The following SMARCAD1 variants were observed in gnomAD, a reference collection of about 807,000 sequenced individuals.
SMARCAD1 encodes SWI/SNF-related matrix-associated actin-dependent regulator of chromatin subfamily A containing DEAD/H box 1.
Under a neutral mutation model 127.1 loss-of-function variants are expected in SMARCAD1, and 25 were observed. The ratio of observed to expected loss-of-function variants is 0.20; its 90% CI spans 0.14 to 0.27. SMARCAD1 has a LOEUF of 0.27. SMARCAD1 is among the 10% of genes least tolerant of loss of function. The pLI, the probability that SMARCAD1 is intolerant of heterozygous loss-of-function variation, is 1.00. For synonymous variants in SMARCAD1, 400 were observed against 396.9 expected, an observed-to-expected ratio of 1.01 and a Z score of -0.09; for missense variants, 807 against 1,206.0, an observed-to-expected ratio of 0.67 and a Z score of 4.90.
chr4:94,285,045 C>T lies in SMARCAD1; in HGVS notation c.2995C>T (p.Gln999Ter). 1 of 1,610,150 alleles carries T rather than the reference C, an allele frequency of 6.2e-7. No homozygotes were observed. The highest frequency in any genetic ancestry group is 8.5e-7 in the Non-Finnish European group (1 of 1,176,792). The change falls in exon 23 of 24, where the codon CAG (glutamine) becomes TAG (stop). Residue 999 changes from glutamine to a stop codon, truncating the protein, a stop_gained. Coordinates refer to ENST00000354268, the MANE Select transcript of SMARCAD1 (RefSeq NM_020159.5). LOFTEE classifies it high-confidence loss of function. Reference sequence around the variant, plus strand: ...TAACCAACAGAAATTGAAACTAGAACAGGATATGACTACAGTAGATGAAGG... The same window carrying T: ...TAACCAACAGAAATTGAAACTAGAATAGGATATGACTACAGTAGATGAAGG... ...KINQQKLKLEQDMTTVDEGDE... is the reference protein window; with the variant it reads ...KINQQKLKLE
chr4:94,270,927 C>G, intron 11 of SMARCAD1, 109 bp downstream of exon 11: 1 of 834,970 alleles, frequency 1.2e-6, no homozygotes. Context: ...TAACTACTGC[C>G]ACCTCAGTAC....
chr4:94,210,452 A>T (rs1376101231), intron 2 of SMARCAD1, among the ~76,000 whole-genome samples: 1 of 152,204 alleles, frequency 6.6e-6, no homozygotes, highest in Non-Finnish European at 1.5e-5. Flanking sequence ...GGTGAAAGAA[A>T]GTTTTAAAAG....
intron 2 of SMARCAD1, among the ~76,000 whole-genome samples, chr4:94,221,622 CAAATAT>C (rs557291570): frequency 4.6e-5 from 7 of 152,180 alleles, no homozygotes; most frequent in South Asian, 2.1e-4. Context: ...GAGATTTTGA[CAAATAT>C]AAAACAGTGT....
At chr4:94,265,079 C>T (rs150445190) in intron 10 of SMARCAD1, among the ~76,000 whole-genome samples, 173 bp downstream of exon 10, 32 of 151,954 alleles carry the variant, frequency 2.1e-4, no homozygotes, top group African/African-American at 7.5e-4. Flanking sequence ...TTGATTTCCC[C>T]CACCCCCAAG....
In SMARCAD1 at chr4:94,290,087, T is replaced by A. The variant is rs1185093420; in HGVS notation, c.*553T>A. On this transcript the variant is annotated 3_prime_UTR_variant, in exon 24 of 24. Transcript: ENST00000354268. ...CAAGAACTCAACCTGAATTTAAAGG[T>A]GGCATTCCATATACTAACATCCCCC... is the stretch of plus-strand genomic sequence containing the variant. 1.1e-5 allele frequency: 5 copies of A among 454,368 alleles called. No individual in the cohort carries two copies. The East Asian group carries it at 3.5e-4, about 32-fold the overall frequency. 28.1% of individuals were successfully genotyped at this position (454,368 alleles called of 1,614,324 possible).
At position 94,212,466 on chromosome 4, in the gene SMARCAD1, C is replaced by T. The variant is rs149348769; in HGVS notation, c.190+3882C>T. Among the ~76,000 whole-genome samples the T allele has an allele frequency of 3.0e-3, 459 of 151,916 alleles. 4 individuals carry two copies. Among genetic ancestry groups the T allele is most frequent in the African/African-American group, 0.01 (430 of 41,450 alleles). ...CTAGGATTATAGGCATGAGCCACCA[C>T]GCCCAGCCCTATACATATTTATTTA... On this transcript the variant is annotated intron_variant, in intron 2 of 23. Transcript: ENST00000354268.
chr4:94,267,494 C>G (rs978134996), intron 10 of SMARCAD1, among the ~76,000 whole-genome samples: 3 of 152,096 alleles, frequency 2.0e-5, no homozygotes, highest in African/African-American at 7.2e-5. Flanking sequence ...ATCACATGTA[C>G]CCCTGTTGTT....
At chr4:94,274,509 G>A (rs1342397979) in intron 12 of SMARCAD1, among the ~76,000 whole-genome samples, 1 of 151,994 alleles carries the variant, frequency 6.6e-6, no homozygotes, top group African/African-American at 2.4e-5. Context: ...TGGAGATGGG[G>A]TTTCACCATG....
intron 23 of SMARCAD1, among the ~76,000 whole-genome samples, chr4:94,287,917 C>T (rs1349753730): frequency 6.6e-6 from 1 of 151,964 alleles, no homozygotes; most frequent in Non-Finnish European, 1.5e-5. Context: ...CTTGGGGAGA[C>T]AGGCGGGAGG....
chr4:94,255,919 TAAATC>T (rs1374856781), intron 9 of SMARCAD1, among the ~76,000 whole-genome samples: 7 of 152,146 alleles, frequency 4.6e-5, no homozygotes, highest in Admixed American at 3.9e-4. Flanking sequence ...ACCTCATCAT[TAAATC>T]AAGTAGGGTT....
intron 9 of SMARCAD1, among the ~76,000 whole-genome samples, chr4:94,256,319 ATG>A (rs1579228362): frequency 6.6e-6 from 1 of 151,954 alleles, no homozygotes; most frequent in East Asian, 1.9e-4. Flanking sequence ...GCTCCTCATT[ATG>A]TTACTCTCAT....
At chr4:94,240,240 A>G (rs929591586) in intron 5 of SMARCAD1, among the ~76,000 whole-genome samples, 2 of 152,198 alleles carry the variant, frequency 1.3e-5, no homozygotes, top group Non-Finnish European at 2.9e-5. Context: ...AGGTAAATAT[A>G]TACATAATGT....
chr4:94,278,630 AC>A lies in SMARCAD1; in HGVS notation c.2199del (p.Lys734ArgfsTer25). On this transcript the variant is annotated frameshift_variant, in exon 18 of 24. Coordinates refer to ENST00000354268, the MANE Select transcript of SMARCAD1 (RefSeq NM_020159.5). LOFTEE classifies it high-confidence loss of function. ...RVKEEVLKQL[P>X]PKKDRIELCA... ...TTCTGTCTCAGGTTCTCAAGCAGTT[AC>A]CCCCCAAGAAAGATCGAATTGAGTT... 1 of 1,614,034 alleles carries A rather than the reference AC, an allele frequency of 6.2e-7. No homozygotes were observed.
At chr4:94,228,498 T>C (rs1745357685) in intron 3 of SMARCAD1, among the ~76,000 whole-genome samples, 1 of 152,208 alleles carries the variant, frequency 6.6e-6, no homozygotes, top group African/African-American at 2.4e-5. Context: ...AATATACTTT[T>C]CATATTTCAA....
intron 2 of SMARCAD1, among the ~76,000 whole-genome samples, chr4:94,225,538 C>G (rs1282520272): frequency 6.6e-6 from 1 of 152,178 alleles, no homozygotes; most frequent in Non-Finnish European, 1.5e-5. Context: ...TCTCCAAATA[C>G]AATTACATTT....
chr4:94,277,779 G>A (rs71601213), intron 16 of SMARCAD1, among the ~76,000 whole-genome samples: 3,029 of 152,118 alleles, frequency 0.02, 31 homozygotes, highest in Middle Eastern at 0.034. Context: ...TGTGATACTC[G>A]TCCACTGCAA....
At chr4:94,284,340 AAAAAAAAAAAAAAG>A (rs1239115544) in intron 22 of SMARCAD1, among the ~76,000 whole-genome samples, 6 of 104,048 alleles carry the variant, frequency 5.8e-5, no homozygotes, top group Admixed American at 4.6e-4. Flanking sequence ...AAAAAAAAAA[AAAAAAAAAAAAAAG>A]AAAAAAGTAA....
At chr4:94,280,847 G>T (rs1753908529) in intron 20 of SMARCAD1, 67 bp downstream of exon 20, 1 of 1,441,012 alleles carries the variant, frequency 6.9e-7, no homozygotes, top group Admixed American at 1.7e-5. Context: ...AGCAATTCTG[G>T]CACACTGACT....
At chr4:94,257,058 A>G (rs1235590514) in intron 9 of SMARCAD1, among the ~76,000 whole-genome samples, 1 of 152,202 alleles carries the variant, frequency 6.6e-6, no homozygotes, top group African/African-American at 2.4e-5. Context: ...GTGATACTTC[A>G]GATGCTGACT....
Sources: gnomAD v4.1 joint callset for allele counts (sites outside exome capture counted in the v4.1 genomes callset) on GRCh38, gnomAD v4.1.1 for gene constraint, MANE v1.5 for transcripts, NCBI Gene and HGNC (gene_info 2026-07-23, HGNC 2026-07-21) for gene names.